Variants in FOXO1 observed in about 807,000 individuals in gnomAD.
The protein encoded by FOXO1 is forkhead box protein O1.
Under a neutral mutation model 44.1 loss-of-function variants are expected in FOXO1, and 6 were observed. The ratio of observed to expected loss-of-function variants is 0.14; its 90% CI spans 0.07 to 0.27. The LOEUF (loss-of-function observed/expected upper bound fraction) is 0.27, where lower values mean the gene tolerates loss of function less well. FOXO1 is among the 10% of genes least tolerant of loss of function. The pLI is 1.00. For synonymous variants in FOXO1, 380 were observed against 362.7 expected (o/e 1.05, Z -0.54); for missense variants, 737 against 888.8 (o/e 0.83, Z 2.17).
chr13:40,590,197 A>C (rs1460458195), intron 1 of FOXO1, among the ~76,000 whole-genome samples: 14 of 152,188 alleles, frequency 9.2e-5, no homozygotes, highest in Admixed American at 9.2e-4. Context: ...TGACGCAAAG[A>C]AAAGCCATTC....
chr13:40,588,931 C>T (rs1566068760), intron 1 of FOXO1, among the ~76,000 whole-genome samples: 2 of 151,922 alleles, frequency 1.3e-5, no homozygotes, highest in Non-Finnish European at 2.9e-5. Flanking sequence ...ATGGTAAAAC[C>T]CCATCTCTAT....
At chr13:40,646,821 T>TG (rs1455855016) in intron 1 of FOXO1, among the ~76,000 whole-genome samples, 4 of 152,056 alleles carry the variant, frequency 2.6e-5, no homozygotes, top group African/African-American at 9.7e-5. Context: ...CTCGATCTCC[T>TG]GACCTCAAGT....
chr13:40,579,100 C>T (rs1874867993), intron 1 of FOXO1, among the ~76,000 whole-genome samples: 1 of 152,172 alleles, frequency 6.6e-6, no homozygotes, highest in African/African-American at 2.4e-5. Context: ...GTCCTAAATG[C>T]CCCACAGAAT....
At chr13:40,640,406 T>A (rs1250984848) in intron 1 of FOXO1, among the ~76,000 whole-genome samples, 2 of 152,226 alleles carry the variant, frequency 1.3e-5, no homozygotes, top group Non-Finnish European at 2.9e-5. Flanking sequence ...TCTCTAAGTA[T>A]CGTCCAAAGC....
At chr13:40,590,948 C>G (rs1875344810) in intron 1 of FOXO1, among the ~76,000 whole-genome samples, 1 of 152,178 alleles carries the variant, frequency 6.6e-6, no homozygotes, top group Non-Finnish European at 1.5e-5. Flanking sequence ...TCATTTATCA[C>G]TTTCTGGTTT....
chr13:40,583,191 G>A (rs1210432441), intron 1 of FOXO1, among the ~76,000 whole-genome samples: 5 of 152,268 alleles, frequency 3.3e-5, no homozygotes, highest in African/African-American at 1.2e-4. Flanking sequence ...TCAACTGTGG[G>A]CTTAAAATAT....
chr13:40,647,804 G>A (rs893155029), intron 1 of FOXO1, among the ~76,000 whole-genome samples: 1 of 152,188 alleles, frequency 6.6e-6, no homozygotes, highest in Non-Finnish European at 1.5e-5. Flanking sequence ...CCAATGTGGA[G>A]CATCCTTCAC....
At position 40,560,139 on chromosome 13, in the gene FOXO1, C is replaced by T. The variant is rs1873933760; in HGVS notation, c.1352G>A (p.Gly451Asp). 1.2e-6 allele frequency: 2 copies of T among 1,614,150 alleles called. No individual in the cohort carries two copies. The highest frequency in any genetic ancestry group is 1.7e-6 in the Non-Finnish European group (2 of 1,180,028). Residue 451 changes from glycine to aspartate, a missense_variant, in exon 2 of 3, where the codon GGT (glycine) becomes GAT (aspartate). By Grantham distance (94) the Gly-to-Asp change is moderately conservative. Transcript: ENST00000379561. This position sits in a 1 kb window ranked among gnomAD's most constrained non-coding sequence, Gnocchi z 5.1. ...AGGCGCACAGTTATACTGACTCATACCTCCATAACTCGACTTATTGTCCTG... is the reference window on the plus strand; with the variant it reads ...AGGCGCACAGTTATACTGACTCATATCTCCATAACTCGACTTATTGTCCTG... The part of the protein sequence containing the change: ...TLQDNKSSYG[G>D]MSQYNCAPGL...
chr13:40,604,756 G>C (rs900027363), intron 1 of FOXO1, among the ~76,000 whole-genome samples: 18 of 151,936 alleles, frequency 1.2e-4, no homozygotes, highest in African/African-American at 4.3e-4. Flanking sequence ...TTATGTATAA[G>C]AATCACACAC....
chr13:40,588,190 G>A (rs57931209), intron 1 of FOXO1, among the ~76,000 whole-genome samples: 7,285 of 152,202 alleles, frequency 0.048, 586 homozygotes, highest in East Asian at 0.39. Flanking sequence ...GGATTAGGGA[G>A]TGCTCATCTT....
chr13:40,611,355 C>T (rs1876221181), intron 1 of FOXO1, among the ~76,000 whole-genome samples: 1 of 152,166 alleles, frequency 6.6e-6, no homozygotes, highest in East Asian at 1.9e-4. Context: ...TAAGACAGCA[C>T]CACTGTAACC....
intron 1 of FOXO1, chr13:40,620,290 C>G (rs1302572160): frequency 8.4e-6 from 9 of 1,077,468 alleles, no homozygotes; most frequent in Non-Finnish European, 1.1e-5. Flanking sequence ...AAACAGAACT[C>G]ATCCAGAGTA....
intron 1 of FOXO1, among the ~76,000 whole-genome samples, chr13:40,629,159 TCAGA>T (rs1876881000): frequency 6.6e-6 from 1 of 152,034 alleles, no homozygotes; most frequent in African/African-American, 2.4e-5. Flanking sequence ...TTTTTTTTTT[TCAGA>T]CAGAGTTTCA....
chr13:40,573,497 G>T (rs542279575), intron 1 of FOXO1, among the ~76,000 whole-genome samples: 29 of 152,264 alleles, frequency 1.9e-4, no homozygotes, highest in African/African-American at 6.3e-4. Context: ...AGGAAAAAAG[G>T]GATCCCTGAA....
intron 1 of FOXO1, among the ~76,000 whole-genome samples, chr13:40,634,316 A>G (rs1877069951): frequency 6.6e-6 from 1 of 152,236 alleles, no homozygotes. Flanking sequence ...ACACAACTGC[A>G]TACAAGAAAA....
At chr13:40,657,387 C>A (rs1431156461) in intron 1 of FOXO1, among the ~76,000 whole-genome samples, 1 of 145,750 alleles carries the variant, frequency 6.9e-6, no homozygotes, top group Non-Finnish European at 1.5e-5. Flanking sequence ...GGCGTGATCT[C>A]GGCTAACCGC....
intron 1 of FOXO1, among the ~76,000 whole-genome samples, chr13:40,577,220 G>T (rs903170054): frequency 7.5e-6 from 1 of 133,924 alleles, no homozygotes; most frequent in African/African-American, 2.8e-5. Context: ...CATACTAGAA[G>T]ACAAGTGGTC....
At chr13:40,664,579 G>C (rs1210667755) in intron 1 of FOXO1, among the ~76,000 whole-genome samples, 2 of 152,112 alleles carry the variant, frequency 1.3e-5, no homozygotes, top group East Asian at 3.9e-4. Context: ...AAGCCCCCCC[G>C]CCTGGTCCTC....
At chr13:40,645,336 T>C (rs1161343228) in intron 1 of FOXO1, among the ~76,000 whole-genome samples, 1 of 152,202 alleles carries the variant, frequency 6.6e-6, no homozygotes, top group Non-Finnish European at 1.5e-5. Flanking sequence ...AACACATACT[T>C]ACATATTTTC....
Sources: gnomAD v4.1 joint callset for allele counts (sites outside exome capture counted in the v4.1 genomes callset) on GRCh38, gnomAD v4.1.1 for gene constraint, Gnocchi (gnomAD v3.1) non-coding constraint, MANE v1.5 for transcripts, NCBI Gene and HGNC (gene_info 2026-07-23, HGNC 2026-07-21) for gene names.